Variants in CDH12 observed in about 807,000 individuals in gnomAD.
CDH12 encodes cadherin 12.
A neutral mutation model predicts 74.1 loss-of-function variants in CDH12; 41 were observed. The observed-to-expected ratio is 0.55, with a 90% CI of 0.43 to 0.72. The LOEUF is 0.72. CDH12 is among the 30% of genes least tolerant of loss of function. The pLI, the probability that CDH12 is intolerant of heterozygous loss-of-function variation, is 0.00. For synonymous variants in CDH12, 399 were observed against 355.0 expected (o/e 1.12, Z -1.39); for missense variants, 945 against 977.2 (o/e 0.97, Z 0.44).
At chr5:22,345,009 A>G (rs766944512) in intron 3 of CDH12, among the ~76,000 whole-genome samples, 44 of 152,320 alleles carry the variant, frequency 2.9e-4, no homozygotes, top group Admixed American at 9.8e-4. Context: ...ATTGGCATAC[A>G]TTTCAAAACT....
At chr5:21,804,943 A>AACAT (rs1199325375) in intron 9 of CDH12, among the ~76,000 whole-genome samples, 1 of 152,096 alleles carries the variant, frequency 6.6e-6, no homozygotes, top group East Asian at 1.9e-4. Context: ...CAAATTAAGG[A>AACAT]ACATATAAAA....
intron 10 of CDH12, among the ~76,000 whole-genome samples, chr5:21,801,717 G>T (rs1459116750): frequency 1.3e-5 from 2 of 152,172 alleles, no homozygotes; most frequent in Admixed American, 6.5e-5. Flanking sequence ...AAAATGACAT[G>T]CAAATTGCAA....
intron 1 of CDH12, among the ~76,000 whole-genome samples, chr5:22,769,710 C>A (rs1193090453): frequency 6.6e-6 from 1 of 152,030 alleles, no homozygotes; most frequent in Non-Finnish European, 1.5e-5. Context: ...TTACACCCAT[C>A]CCTGCAAATG....
intron 1 of CDH12, among the ~76,000 whole-genome samples, chr5:22,655,305 G>A (rs1278837380): frequency 6.6e-6 from 1 of 152,136 alleles, no homozygotes; most frequent in African/African-American, 2.4e-5. Context: ...CATGCAATAT[G>A]ATCATTCTAA....
At chr5:21,938,717 A>AATATATATATATATATATATATAT (rs1554046002) in intron 6 of CDH12, among the ~76,000 whole-genome samples, 2 of 106,698 alleles carry the variant, frequency 1.9e-5, no homozygotes, top group Admixed American at 9.5e-5. Flanking sequence ...TTATATATAT[A>AATATATATATATATATATATATAT]ATATACATAT....
intron 3 of CDH12, among the ~76,000 whole-genome samples, chr5:22,224,937 T>A (rs1187557495): frequency 6.6e-6 from 1 of 152,006 alleles, no homozygotes; most frequent in Admixed American, 6.6e-5. Context: ...TATACATTAA[T>A]GTGTTTATTT....
At chr5:21,930,384 G>A (rs1222276574) in intron 6 of CDH12, among the ~76,000 whole-genome samples, 1 of 152,164 alleles carries the variant, frequency 6.6e-6, no homozygotes, top group African/African-American at 2.4e-5. Flanking sequence ...TTTACATTAT[G>A]TGGAAGTTTT....
chr5:22,055,171 G>T (rs1364415477), intron 5 of CDH12, among the ~76,000 whole-genome samples: 1 of 152,132 alleles, frequency 6.6e-6, no homozygotes, highest in Non-Finnish European at 1.5e-5. Context: ...TAGATCAGTT[G>T]GTCCTTGCAC....
chr5:22,648,412 T>A (rs1027326019), intron 1 of CDH12, among the ~76,000 whole-genome samples: 2 of 151,832 alleles, frequency 1.3e-5, no homozygotes, highest in Admixed American at 6.6e-5. Context: ...CCTAAATAGG[T>A]ATTGAAGAAA....
chr5:22,238,662 T>C (rs1258274396), intron 3 of CDH12, among the ~76,000 whole-genome samples: 1 of 152,240 alleles, frequency 6.6e-6, no homozygotes, highest in African/African-American at 2.4e-5. Flanking sequence ...GTGTTGAGAA[T>C]ACTTTTGCAA....
intron 1 of CDH12, among the ~76,000 whole-genome samples, chr5:22,779,148 C>A (rs539094801): frequency 1.3e-5 from 2 of 152,042 alleles, no homozygotes; most frequent in Non-Finnish European, 2.9e-5. Flanking sequence ...CTAAGTTTTT[C>A]TCTACCTTGG....
chr5:21,775,635 C>A (rs1269921853), intron 11 of CDH12, among the ~76,000 whole-genome samples: 5 of 151,998 alleles, frequency 3.3e-5, no homozygotes, highest in Admixed American at 3.3e-4. Context: ...TCCTTCCTTC[C>A]ATGATGATTT....
In CDH12 at chr5:22,116,655, G is replaced by A. The variant is rs555414535; in HGVS notation, c.-186-37793C>T. 1.3e-4 allele frequency among the ~76,000 whole-genome samples: 19 copies of A among 151,422 alleles called. No individual in the cohort carries two copies. In the East Asian group the frequency reaches 2.0e-3, roughly 16 times the overall value. Reference sequence around the variant, plus strand: ...GCCCCAGATGAAAAGTGTAGCCCGGGCCAATACGTTGGTTTTAGCCTAGTG... The same window carrying A: ...GCCCCAGATGAAAAGTGTAGCCCGGACCAATACGTTGGTTTTAGCCTAGTG... On this transcript the variant is annotated intron_variant, in intron 4 of 14. Transcript: ENST00000382254.
At chr5:21,867,879 T>C (rs1751413812) in intron 6 of CDH12, among the ~76,000 whole-genome samples, 8 of 152,158 alleles carry the variant, frequency 5.3e-5, no homozygotes. Context: ...TTTGGCTGTG[T>C]CCCCACCCAA....
At chr5:22,831,359 G>GTGTGTGCGTGTC (rs1736597773) in intron 1 of CDH12, among the ~76,000 whole-genome samples, 1 of 136,362 alleles carries the variant, frequency 7.3e-6, no homozygotes, top group African/African-American at 2.9e-5. Flanking sequence ...GTTTGTGTGT[G>GTGTGTGCGTGTC]TGTGTGTGTG....
chr5:22,634,116 T>C (rs189853947), intron 1 of CDH12, among the ~76,000 whole-genome samples: 7 of 151,966 alleles, frequency 4.6e-5, no homozygotes, highest in Admixed American at 2.6e-4. Flanking sequence ...AACAATAAAA[T>C]TGAATCAAAA....
intron 1 of CDH12, among the ~76,000 whole-genome samples, chr5:22,625,323 A>G (rs1436162960): frequency 1.3e-5 from 2 of 152,220 alleles, no homozygotes; most frequent in African/African-American, 4.8e-5. Flanking sequence ...ATATGAATAA[A>G]TAAATAAGTT....
chr5:22,249,222 C>T (rs1753056910), intron 3 of CDH12, among the ~76,000 whole-genome samples: 2 of 152,092 alleles, frequency 1.3e-5, no homozygotes, highest in African/African-American at 4.8e-5. Flanking sequence ...ATGTTAGAGC[C>T]ATAGGGTTCT....
intron 5 of CDH12, among the ~76,000 whole-genome samples, chr5:22,039,176 C>T (rs1580153560): frequency 6.6e-6 from 1 of 152,078 alleles, no homozygotes; most frequent in African/African-American, 2.4e-5. Flanking sequence ...TGGGGATAAC[C>T]CTTGGATCTG....
Sources: gnomAD v4.1 joint callset for allele counts (sites outside exome capture counted in the v4.1 genomes callset) on GRCh38, gnomAD v4.1.1 for gene constraint, MANE v1.5 for transcripts, NCBI Gene and HGNC (gene_info 2026-07-23, HGNC 2026-07-21) for gene names.